THRB: variants seen among roughly 807,000 people sequenced by gnomAD.
THRB encodes thyroid hormone receptor beta.
Under a neutral mutation model 47.8 loss-of-function variants are expected in THRB, and 12 were observed. That is an observed-to-expected ratio of 0.25 (90% CI 0.16 to 0.41). The LOEUF (loss-of-function observed/expected upper bound fraction) is 0.41, where lower values mean the gene tolerates loss of function less well. Among genes scored for constraint, THRB ranks in the 10% least tolerant of loss-of-function variants. The probability of loss-of-function intolerance (pLI) is 1.00; values close to 1 mark genes in which losing one functional copy is unlikely to be tolerated. For synonymous variants in THRB, 218 were observed against 212.2 expected, an observed-to-expected ratio of 1.03 and a Z score of -0.24; for missense variants, 348 against 589.2, an observed-to-expected ratio of 0.59 and a Z score of 4.24.
intron 1 of THRB, among the ~76,000 whole-genome samples, chr3:24,368,675 T>C (rs1290005307): frequency 6.6e-6 from 1 of 152,190 alleles, no homozygotes; most frequent in Non-Finnish European, 1.5e-5. Context: ...CAGAAGCCAA[T>C]GAAGGCCATG....
chr3:24,240,829 A>G (rs1428313329), intron 3 of THRB, among the ~76,000 whole-genome samples: 1 of 150,264 alleles, frequency 6.7e-6, no homozygotes, highest in Non-Finnish European at 1.5e-5. Context: ...CAGGGCCCAC[A>G]TGTTGAGAAC....
intron 3 of THRB, among the ~76,000 whole-genome samples, chr3:24,236,434 T>C (rs756043389): frequency 6.6e-6 from 1 of 151,998 alleles, no homozygotes; most frequent in Non-Finnish European, 1.5e-5. Context: ...ATGTAAGGTA[T>C]TGGGAGACTT....
intron 1 of THRB, among the ~76,000 whole-genome samples, chr3:24,451,228 A>ATT (rs1250508747): frequency 9.1e-6 from 1 of 109,822 alleles, no homozygotes; most frequent in Admixed American, 9.7e-5. Flanking sequence ...CACTACATGT[A>ATT]CTTTTTTTTT....
At chr3:24,131,634 G>T (rs536332627) in intron 9 of THRB, among the ~76,000 whole-genome samples, 3 of 152,192 alleles carry the variant, frequency 2.0e-5, no homozygotes, top group African/African-American at 7.2e-5. Context: ...GGTCATGAGA[G>T]TGGGGCCCTA....
In THRB at chr3:24,161,617, AAC is replaced by A. The variant is rs58600238; in HGVS notation, c.284-9129_284-9128del. ...TCACCTGGAGTCAACAGAGCTACAG[AAC>A]ACACACACACACACACACACACACA... On this transcript the variant is annotated intron_variant, in intron 5 of 10. Coordinates refer to ENST00000646209, the MANE Select transcript of THRB (RefSeq NM_001354712.2). Among the ~76,000 whole-genome samples, 536 of 141,184 alleles carry A rather than the reference AAC, an allele frequency of 3.8e-3. 16 individuals carry two copies. The highest frequency in any genetic ancestry group is 0.027 in the Admixed American group (379 of 14,134). The allele number at this position is 141,184 out of a possible 152,430, so 92.6% of individuals were successfully genotyped here.
intron 4 of THRB, among the ~76,000 whole-genome samples, chr3:24,219,572 T>G (rs948071700): frequency 3.3e-5 from 5 of 152,188 alleles, no homozygotes; most frequent in African/African-American, 1.2e-4. Context: ...AACAGACACC[T>G]ACACAGTCCT....
intron 1 of THRB, among the ~76,000 whole-genome samples, chr3:24,345,027 A>T (rs2062921184): frequency 6.6e-6 from 1 of 152,158 alleles, no homozygotes; most frequent in Non-Finnish European, 1.5e-5. Context: ...GGATGAAGCC[A>T]AGGTTTGCTG....
chr3:24,461,355 C>A (rs757933687), intron 1 of THRB, among the ~76,000 whole-genome samples: 1 of 152,092 alleles, frequency 6.6e-6, no homozygotes, highest in African/African-American at 2.4e-5. Flanking sequence ...GAGAATTAAG[C>A]GTAATGTTTA....
intron 4 of THRB, among the ~76,000 whole-genome samples, chr3:24,206,200 T>C (rs2045331317): frequency 6.6e-6 from 1 of 152,168 alleles, no homozygotes; most frequent in Non-Finnish European, 1.5e-5. Flanking sequence ...GAATATACAT[T>C]CTTCTCAGCA....
intron 6 of THRB, among the ~76,000 whole-genome samples, chr3:24,151,665 G>A (rs972641175): frequency 1.3e-5 from 2 of 152,122 alleles, no homozygotes; most frequent in Non-Finnish European, 2.9e-5. Context: ...TAGATTGTTG[G>A]ACCAAAAGAT....
At chr3:24,271,084 C>G (rs541625273) in intron 3 of THRB, among the ~76,000 whole-genome samples, 1 of 152,186 alleles carries the variant, frequency 6.6e-6, no homozygotes, top group South Asian at 2.1e-4. Flanking sequence ...TTTTCTCAGA[C>G]AAAATTTTTT....
chr3:24,298,412 T>G (rs2056627181), intron 2 of THRB, among the ~76,000 whole-genome samples: 1 of 152,252 alleles, frequency 6.6e-6, no homozygotes, highest in Non-Finnish European at 1.5e-5. Flanking sequence ...ACAATTGCAG[T>G]AAAGTTGACT....
At chr3:24,364,778 G>A (rs17014582) in intron 1 of THRB, among the ~76,000 whole-genome samples, 2,380 of 152,196 alleles carry the variant, frequency 0.016, 57 homozygotes, top group African/African-American at 0.053. Context: ...TACAGGTAAC[G>A]TTTTTCGGAC....
At chr3:24,228,696 T>G (rs2047943480) in intron 4 of THRB, among the ~76,000 whole-genome samples, 1 of 151,532 alleles carries the variant, frequency 6.6e-6, no homozygotes, top group Non-Finnish European at 1.5e-5. Flanking sequence ...GTGCAATGGC[T>G]AAAGGATGGC....
At chr3:24,334,443 G>C (rs1183698710) in intron 2 of THRB, among the ~76,000 whole-genome samples, 2 of 152,184 alleles carry the variant, frequency 1.3e-5, no homozygotes, top group African/African-American at 4.8e-5. Flanking sequence ...ACATGTTAAA[G>C]TAATGCATGA....
intron 1 of THRB, among the ~76,000 whole-genome samples, chr3:24,358,480 T>A (rs1229655310): frequency 6.6e-6 from 1 of 152,190 alleles, no homozygotes; most frequent in African/African-American, 2.4e-5. Flanking sequence ...TCAGCTTTGT[T>A]ATTTTTCCCA....
At chr3:24,225,500 A>T (rs1171137544) in intron 4 of THRB, among the ~76,000 whole-genome samples, 3 of 152,212 alleles carry the variant, frequency 2.0e-5, no homozygotes, top group East Asian at 3.9e-4. Context: ...AACGTCAAGT[A>T]CTTTGCCAGC....
At chr3:24,257,809 A>G (rs2051461639) in intron 3 of THRB, among the ~76,000 whole-genome samples, 1 of 152,248 alleles carries the variant, frequency 6.6e-6, no homozygotes, top group Non-Finnish European at 1.5e-5. Flanking sequence ...CACAAGTGGG[A>G]CAGCCTCCTG....
At chr3:24,322,162 T>A (rs1057017980) in intron 2 of THRB, among the ~76,000 whole-genome samples, 1 of 152,130 alleles carries the variant, frequency 6.6e-6, no homozygotes, top group Non-Finnish European at 1.5e-5. Flanking sequence ...AGATAAATTT[T>A]GAGAAAAAAA....
Sources: allele counts gnomAD v4.1 joint callset (sites outside exome capture counted in the v4.1 genomes callset), GRCh38; gene constraint gnomAD v4.1.1; transcripts MANE v1.5; gene names NCBI Gene and HGNC (gene_info 2026-07-23, HGNC 2026-07-21).